The following NPAT variants were observed in gnomAD, a reference collection of about 807,000 sequenced individuals.
NPAT encodes nuclear protein, coactivator of histone transcription, also known as protein NPAT.
Under a neutral mutation model 130.7 loss-of-function variants are expected in NPAT, and 52 were observed. That is an observed-to-expected ratio of 0.40 (90% CI 0.32 to 0.50). The LOEUF (loss-of-function observed/expected upper bound fraction) is 0.50, where lower values mean the gene tolerates loss of function less well. NPAT is among the 20% of genes least tolerant of loss of function. NPAT has a pLI of 0.68. For synonymous variants in NPAT, 580 were observed against 584.8 expected, an observed-to-expected ratio of 0.99 and a Z score of 0.12; for missense variants, 1,687 against 1,662.6, an observed-to-expected ratio of 1.01 and a Z score of -0.26.
chr11:108,160,254 C>T (rs962795839), intron 17 of NPAT, among the ~76,000 whole-genome samples: 4 of 151,930 alleles, frequency 2.6e-5, no homozygotes, highest in Non-Finnish European at 5.9e-5. Context: ...GCCTGGAAGG[C>T]GGAGGCTGCA....
At chr11:108,199,639 G>C (rs2078256023) in intron 1 of NPAT, among the ~76,000 whole-genome samples, 1 of 152,198 alleles carries the variant, frequency 6.6e-6, no homozygotes, top group Non-Finnish European at 1.5e-5. Context: ...GCAAAGGACA[G>C]GCTTGCTGGG....
At chr11:108,188,304 T>G (rs1565318213) in intron 6 of NPAT, 125 bp from the exon 7 acceptor site, 5 of 748,960 alleles carry the variant, frequency 6.7e-6, no homozygotes, top group Non-Finnish European at 9.5e-6. Context: ...ACTGAGTGCC[T>G]ACCATGTGTA....
rs1401616858 is a variant in NPAT at position 108,173,626 on chromosome 11, A to C, written c.1358T>G (p.Phe453Cys). 4.3e-6 allele frequency: 7 copies of C among 1,614,056 alleles called. No individual in the cohort carries two copies. Among genetic ancestry groups the C allele is most frequent in the Non-Finnish European group, 5.9e-6 (7 of 1,180,038 alleles). The change falls in exon 13 of 18, where the codon TTT (phenylalanine) becomes TGT (cysteine). Residue 453 changes from phenylalanine to cysteine, a missense_variant. By Grantham distance (205) the Phe-to-Cys change is radical (BLOSUM62 -2). Coordinates refer to ENST00000278612, the MANE Select transcript of NPAT (RefSeq NM_002519.3). ...TFESVPNLND[F>C]NQRGNSNAEC... is the part of the protein sequence containing the mutation. ...AGCATTAGAATTCCCTCTTTGGTTAAAGTCATTCAAATTAGGCACGGACTC... is the reference window on the plus strand; with the variant it reads ...AGCATTAGAATTCCCTCTTTGGTTACAGTCATTCAAATTAGGCACGGACTC...
Position 108,172,248 on chromosome 11 carries a change from T to C in NPAT, c.2736A>G (p.Ser912=). 6.2e-7 allele frequency: 1 copy of C among 1,613,978 alleles called. No homozygotes were observed. Among genetic ancestry groups the C allele is most frequent in the Non-Finnish European group, 8.5e-7 (1 of 1,179,818 alleles). ...LPPQLQTPPR[S]NSVFAVNQAV... ...CTTGGTTGACAGCAAATACACTGTT[T>C]GACCTTGGTGGTGTCTGTAACTGAG... The change falls in exon 13 of 18, where the codon TCA becomes TCG. Residue 912 remains serine, a synonymous_variant. Coordinates refer to ENST00000278612, the MANE Select transcript of NPAT (RefSeq NM_002519.3).
chr11:108,212,790 C>G (rs764262279), intron 1 of NPAT, among the ~76,000 whole-genome samples: 4 of 150,288 alleles, frequency 2.7e-5, no homozygotes, highest in Admixed American at 6.6e-5. Context: ...ACTAAAAATA[C>G]AAAAAAATGA....
chr11:108,178,970 A>G (rs1440053403), intron 10 of NPAT, among the ~76,000 whole-genome samples: 1 of 152,242 alleles, frequency 6.6e-6, no homozygotes, highest in Non-Finnish European at 1.5e-5. Context: ...TCTGATTTCA[A>G]AACTAATTAT....
rs749269699 is a variant in NPAT at position 108,161,272 on chromosome 11, C to T, written c.3814G>A (p.Gly1272Ser). ...TTATGTTTTTCCCCTGCCCCTGAGC[C>T]AGGTGTCCGGGGCACAGGTAAATCA... is the stretch of plus-strand genomic sequence containing the variant. Reference protein sequence around the residue: ...SSDLPVPRTPGSGAGEKHKEE... With the variant: ...SSDLPVPRTPSSGAGEKHKEE... The change falls in exon 17 of 18, where the codon GGC becomes AGC. Residue 1272 changes from glycine (G) to serine (S), a missense_variant. Physicochemically the swap from Gly to Ser is moderately conservative, Grantham distance 56. Coordinates refer to ENST00000278612, the MANE Select transcript of NPAT (RefSeq NM_002519.3). The T allele has an allele frequency of 3.1e-6, 5 of 1,614,148 alleles. 1 individual carries two copies. In the South Asian group the frequency reaches 5.5e-5, roughly 18 times the overall value.
intron 12 of NPAT, among the ~76,000 whole-genome samples, chr11:108,174,556 G>A (rs1196901508): frequency 1.2e-4 from 14 of 116,902 alleles, no homozygotes; most frequent in Non-Finnish European, 5.1e-5. Context: ...CACTGTATGA[G>A]AAGATCTTAA....
chr11:108,213,050 A>G (rs2078399621), intron 1 of NPAT, among the ~76,000 whole-genome samples: 2 of 151,226 alleles, frequency 1.3e-5, no homozygotes, highest in Non-Finnish European at 3.0e-5. Context: ...AAGGCCAGCA[A>G]ATCACCTGAG....
chr11:108,199,383 C>T (rs1387001532), intron 1 of NPAT, among the ~76,000 whole-genome samples: 2 of 152,182 alleles, frequency 1.3e-5, no homozygotes, highest in Admixed American at 1.3e-4. Flanking sequence ...GCAGAGAGGG[C>T]CCAGCAATGA....
chr11:108,211,071 T>A (rs2078379285), intron 1 of NPAT, among the ~76,000 whole-genome samples: 1 of 151,830 alleles, frequency 6.6e-6, no homozygotes, highest in Admixed American at 6.6e-5. Context: ...ATACAAAAAT[T>A]AGCTGCGCCT....
Position 108,161,232 on chromosome 11 carries a change from T to A in NPAT, c.3854A>T (p.Asp1285Val). 2 of 1,614,132 alleles carry A rather than the reference T, an allele frequency of 1.2e-6. No homozygotes were observed. Among genetic ancestry groups the A allele is most frequent in the Non-Finnish European group, 1.7e-6 (2 of 1,180,018 alleles). ...CCTACTAGAGGGGGCCTTGATAATA[T>A]CTATAGGTTCTTCTTTATGTTTTTC... ...AGEKHKEEPI[D>V]IIKAPSSRRF... The change falls in exon 17 of 18, where the codon GAT (aspartate) becomes GTT (valine). Residue 1285 changes from aspartate (D) to valine (V), a missense_variant. By Grantham distance (152) the Asp-to-Val change is radical. Coordinates refer to ENST00000278612, the MANE Select transcript of NPAT (RefSeq NM_002519.3).
At position 108,222,434 on chromosome 11, in the gene NPAT, G is replaced by A. The variant is rs80163666; in HGVS notation, c.37+66C>T. ...CTTCCCTACCAAGGGAAAACCTTTG[G>A]CCTCAAAGGTCCTTCTGTCCAGCAT... is the stretch of plus-strand genomic sequence containing the variant. On this transcript the variant is annotated intron_variant, in intron 1 of 17. Transcript: ENST00000278612. 95 of 1,545,306 alleles carry A rather than the reference G, an allele frequency of 6.1e-5. No homozygotes were observed. The East Asian group carries it at 2.1e-3, about 34-fold the overall frequency.
chr11:108,169,691 A>C, intron 15 of NPAT, 53 bp downstream of exon 15: 1 of 1,284,482 alleles, frequency 7.8e-7, no homozygotes, highest in Middle Eastern at 1.9e-4. Flanking sequence ...TGTTGCTGCA[A>C]ACAAATGAAC....
chr11:108,184,444 C>T (rs1383365053), intron 10 of NPAT, among the ~76,000 whole-genome samples: 1 of 149,746 alleles, frequency 6.7e-6, no homozygotes, highest in Non-Finnish European at 1.5e-5. Flanking sequence ...TGCACTCCAG[C>T]CTGGGCGACA....
rs758051631 is a variant in NPAT at position 108,169,766 on chromosome 11, T to G, written c.2988A>C (p.Gly996=). 1 of 1,612,370 alleles carries G rather than the reference T, an allele frequency of 6.2e-7. No homozygotes were observed. The highest frequency in any genetic ancestry group is 8.5e-7 in the Non-Finnish European group (1 of 1,178,366). The change falls in exon 15 of 18, where the codon GGA becomes GGC. Residue 996 remains glycine, a synonymous_variant. Coordinates refer to ENST00000278612, the MANE Select transcript of NPAT (RefSeq NM_002519.3). ...PVPPKSQKAQ[G]LRNKPCIGKQ... is the part of the protein sequence containing the mutation. ...TACCTATACAAGGCTTGTTTCTTAGTCCCTGAGCCTTCTGAGATTTTGGAG... is the reference window on the plus strand; with the variant it reads ...TACCTATACAAGGCTTGTTTCTTAGGCCCTGAGCCTTCTGAGATTTTGGAG...
intron 1 of NPAT, among the ~76,000 whole-genome samples, chr11:108,199,057 C>T (rs951272870): frequency 2.6e-5 from 4 of 152,170 alleles, no homozygotes; most frequent in Non-Finnish European, 5.9e-5. Flanking sequence ...GGTAGAGGGA[C>T]GGAATGAGCT....
At chr11:108,187,300 A>G (rs1591400472) in intron 7 of NPAT, among the ~76,000 whole-genome samples, 2 of 152,142 alleles carry the variant, frequency 1.3e-5, no homozygotes, top group South Asian at 4.1e-4. Flanking sequence ...AAAAATAAAA[A>G]AATTAGCTGG....
intron 1 of NPAT, among the ~76,000 whole-genome samples, chr11:108,217,852 G>A (rs1016747014): frequency 1.3e-5 from 2 of 152,122 alleles, no homozygotes; most frequent in Non-Finnish European, 2.9e-5. Flanking sequence ...AATTAGCCGG[G>A]CGTGGTGGTG....
Sources: gnomAD v4.1 joint callset for allele counts (sites outside exome capture counted in the v4.1 genomes callset) on GRCh38, gnomAD v4.1.1 for gene constraint, MANE v1.5 for transcripts, NCBI Gene and HGNC (gene_info 2026-07-23, HGNC 2026-07-21) for gene names.